Variants in SGMS1 observed in about 807,000 individuals in gnomAD.
The protein encoded by SGMS1 is phosphatidylcholine:ceramide cholinephosphotransferase 1.
Under a neutral mutation model 46.2 loss-of-function variants are expected in SGMS1, and 13 were observed. The observed-to-expected ratio is 0.28, with a 90% CI of 0.18 to 0.45. SGMS1 has a LOEUF of 0.45. Among genes scored for constraint, SGMS1 ranks in the 20% least tolerant of loss-of-function variants. SGMS1 has a pLI of 1.00. For synonymous variants in SGMS1, 203 were observed against 187.8 expected (o/e 1.08, Z -0.66); for missense variants, 324 against 519.9 (o/e 0.62, Z 3.66).
At chr10:50,308,353 T>C (rs1847206420) in intron 9 of SGMS1, among the ~76,000 whole-genome samples, 1 of 152,192 alleles carries the variant, frequency 6.6e-6, no homozygotes, top group South Asian at 2.1e-4. Flanking sequence ...CTAGTGATAG[T>C]AATTCATATT....
At chr10:50,494,326 G>A (rs1438262822) in intron 3 of SGMS1, among the ~76,000 whole-genome samples, 1 of 152,136 alleles carries the variant, frequency 6.6e-6, no homozygotes, top group Non-Finnish European at 1.5e-5. Context: ...ATACATGCAT[G>A]CCTTATGTTC....
chr10:50,492,957 T>C (rs1189061862), intron 3 of SGMS1, among the ~76,000 whole-genome samples: 1 of 152,168 alleles, frequency 6.6e-6, no homozygotes, highest in Non-Finnish European at 1.5e-5. Flanking sequence ...TTTGGCCTTT[T>C]AAACCTCCTC....
At chr10:50,456,924 G>T (rs1422696600) in intron 5 of SGMS1, among the ~76,000 whole-genome samples, 1 of 152,190 alleles carries the variant, frequency 6.6e-6, no homozygotes, top group African/African-American at 2.4e-5. Flanking sequence ...CTTGTACTGG[G>T]AAACTTCAAG....
At position 50,353,377 on chromosome 10, in the gene SGMS1, A is replaced by C. The variant is rs1342558401; in HGVS notation, c.-231-9032T>G. On this transcript the variant is annotated intron_variant, in intron 6 of 10. Transcript: ENST00000361781. The stretch of plus-strand genomic sequence containing the variant: ...AACAGATGCAGAAAAGGCCTTTGAC[A>C]AAATTCAACAACCCTTCATGCTAAA... Among the ~76,000 whole-genome samples, 12 of 152,420 alleles carry C rather than the reference A, an allele frequency of 7.9e-5. No homozygotes were observed. The East Asian group carries it at 2.1e-3, about 27-fold the overall frequency.
At chr10:50,604,597 CA>C (rs1838678154) in intron 1 of SGMS1, among the ~76,000 whole-genome samples, 1 of 152,120 alleles carries the variant, frequency 6.6e-6, no homozygotes, top group Non-Finnish European at 1.5e-5. Context: ...AAAATTTATT[CA>C]AACAGTTTCA....
chr10:50,485,851 G>A (rs1235163058), intron 3 of SGMS1, among the ~76,000 whole-genome samples: 1 of 152,120 alleles, frequency 6.6e-6, no homozygotes, highest in African/African-American at 2.4e-5. Flanking sequence ...AATGAGCCAA[G>A]ATCCCACTAC....
chr10:50,339,824 T>C (rs970670186), intron 7 of SGMS1, among the ~76,000 whole-genome samples: 4 of 152,188 alleles, frequency 2.6e-5, no homozygotes, highest in African/African-American at 9.7e-5. Context: ...AAATGTGATA[T>C]GGGCTTAATG....
chr10:50,547,728 A>G (rs1458289018), intron 2 of SGMS1, among the ~76,000 whole-genome samples: 1 of 152,184 alleles, frequency 6.6e-6, no homozygotes, highest in Non-Finnish European at 1.5e-5. Flanking sequence ...CACCTGGCAG[A>G]GATACAACAA....
Position 50,623,788 on chromosome 10 carries a change from G to A in SGMS1, c.-765C>T. 1 of 985,470 alleles carries A rather than the reference G, an allele frequency of 1.0e-6. No individual in the cohort carries two copies. The highest frequency in any genetic ancestry group is 1.2e-6 in the Non-Finnish European group (1 of 830,002). 61.0% of individuals were successfully genotyped at this position (985,470 alleles called of 1,614,324 possible). On this transcript the variant is annotated 5_prime_UTR_variant, in exon 1 of 11. Transcript: ENST00000361781. Reference sequence around the variant, plus strand: ...ATGAAATCCGGGGCAGGGCAGCGTCGGGGCTCCGCACCCCAATCGCGCTCT... The same window carrying A: ...ATGAAATCCGGGGCAGGGCAGCGTCAGGGCTCCGCACCCCAATCGCGCTCT...
chr10:50,567,661 C>A (rs549961257), intron 2 of SGMS1, among the ~76,000 whole-genome samples: 130 of 152,244 alleles, frequency 8.5e-4, no homozygotes, highest in Non-Finnish European at 1.1e-3. Context: ...ACCCACTTTG[C>A]CAATTTATGT....
chr10:50,340,578 G>A (rs374478228), intron 7 of SGMS1: 63 of 151,960 alleles, frequency 4.1e-4, no homozygotes, highest in African/African-American at 1.5e-3. Flanking sequence ...GTGGATTTAC[G>A]TATATATAAA....
At chr10:50,509,349 A>G (rs1010074936) in intron 3 of SGMS1, among the ~76,000 whole-genome samples, 1 of 152,176 alleles carries the variant, frequency 6.6e-6, no homozygotes, top group Admixed American at 6.5e-5. Context: ...AACATTTGTG[A>G]ATTGTATTTT....
chr10:50,341,323 G>T, intron 7 of SGMS1: 1 of 455,972 alleles, frequency 2.2e-6, no homozygotes, highest in Non-Finnish European at 4.4e-6. Context: ...CAGATACACT[G>T]AAGAGAGGTC....
At chr10:50,348,168 A>G (rs1847945454) in intron 6 of SGMS1, among the ~76,000 whole-genome samples, 1 of 152,136 alleles carries the variant, frequency 6.6e-6, no homozygotes, top group Non-Finnish European at 1.5e-5. Flanking sequence ...AGCTTCACCC[A>G]TGTCCCTGCT....
At chr10:50,362,015 T>C (rs1326377968) in intron 6 of SGMS1, among the ~76,000 whole-genome samples, 3 of 152,198 alleles carry the variant, frequency 2.0e-5, no homozygotes, top group Non-Finnish European at 4.4e-5. Context: ...TCCTACCTTA[T>C]ACCTTCCTTT....
chr10:50,600,039 A>G (rs1236872791), intron 1 of SGMS1, among the ~76,000 whole-genome samples: 1 of 152,172 alleles, frequency 6.6e-6, no homozygotes, highest in Non-Finnish European at 1.5e-5. Flanking sequence ...CACATGCTTC[A>G]AGCTATTTCA....
intron 2 of SGMS1, among the ~76,000 whole-genome samples, chr10:50,556,141 A>G (rs1330333973): frequency 6.6e-6 from 1 of 152,116 alleles, no homozygotes; most frequent in African/African-American, 2.4e-5. Context: ...ACAGCCTCCT[A>G]ATACAACTCT....
At chr10:50,501,434 C>T (rs989078851) in intron 3 of SGMS1, among the ~76,000 whole-genome samples, 2 of 152,180 alleles carry the variant, frequency 1.3e-5, no homozygotes, top group African/African-American at 4.8e-5. Flanking sequence ...TACTCTGTTA[C>T]ATTTTTAAGT....
chr10:50,330,989 A>C (rs2133324438), intron 7 of SGMS1, among the ~76,000 whole-genome samples: 1 of 152,360 alleles, frequency 6.6e-6, no homozygotes, highest in East Asian at 1.9e-4. Flanking sequence ...AGGAAGAAAA[A>C]GACATCACTT....
Sources: allele counts gnomAD v4.1 joint callset (sites outside exome capture counted in the v4.1 genomes callset), GRCh38; gene constraint gnomAD v4.1.1; transcripts MANE v1.5; gene names NCBI Gene and HGNC (gene_info 2026-07-23, HGNC 2026-07-21).